Variants in NBEAL1 observed in about 807,000 individuals in gnomAD.
NBEAL1 encodes neurobeachin like 1, also known as neurobeachin-like protein 1.
NBEAL1 carries 273 observed loss-of-function variants against 351.3 expected under a neutral mutation model. The ratio of observed to expected loss-of-function variants is 0.78; its 90% CI spans 0.70 to 0.86. The LOEUF is 0.86. Among genes scored for constraint, NBEAL1 ranks in the 40% least tolerant of loss-of-function variants. The pLI, the probability that NBEAL1 is intolerant of heterozygous loss-of-function variation, is 0.00. For missense variants in NBEAL1, 2,961 were observed against 3,201.3 expected (o/e 0.92, Z 1.81); for synonymous variants, 1,050 against 1,086.4 (o/e 0.97, Z 0.66).
intron 12 of NBEAL1, among the ~76,000 whole-genome samples, chr2:203,103,225 T>C (rs980053822): frequency 6.6e-6 from 1 of 152,110 alleles, no homozygotes; most frequent in Non-Finnish European, 1.5e-5. Flanking sequence ...TAGTGATCTA[T>C]TTTATTAATT....
At chr2:203,066,660 G>C (rs1313733704) in intron 6 of NBEAL1, among the ~76,000 whole-genome samples, 1 of 152,028 alleles carries the variant, frequency 6.6e-6, no homozygotes, top group South Asian at 2.1e-4. Flanking sequence ...TCACTTCCCA[G>C]ATGGGGCAGC....
chr2:203,129,087 C>G (rs933395371), intron 24 of NBEAL1, among the ~76,000 whole-genome samples: 18 of 152,154 alleles, frequency 1.2e-4, no homozygotes, highest in African/African-American at 4.3e-4. Context: ...ACTACTGATT[C>G]AACTGCTGAA....
At chr2:203,139,699 G>A (rs528030268) in intron 31 of NBEAL1, among the ~76,000 whole-genome samples, 9 of 150,108 alleles carry the variant, frequency 6.0e-5, no homozygotes, top group Admixed American at 2.0e-4. Context: ...AAAGTAGCTG[G>A]GACTACGGGT....
At chr2:203,150,452 C>T (rs547882405) in intron 34 of NBEAL1, among the ~76,000 whole-genome samples, 7 of 151,460 alleles carry the variant, frequency 4.6e-5, no homozygotes, top group Non-Finnish European at 7.4e-5. Flanking sequence ...ATATATATAT[C>T]GAATAATAGA....
intron 36 of NBEAL1, among the ~76,000 whole-genome samples, chr2:203,161,877 A>C (rs1024195054): frequency 6.6e-6 from 1 of 151,978 alleles, no homozygotes; most frequent in Non-Finnish European, 1.5e-5. Flanking sequence ...TCTCTAAAAT[A>C]AACAAACCCC....
chr2:203,149,288 T>G (rs2063589646), intron 34 of NBEAL1, 140 bp downstream of exon 34: 1 of 589,260 alleles, frequency 1.7e-6, no homozygotes, highest in Non-Finnish European at 2.9e-6. Flanking sequence ...TTTATTGTCT[T>G]TCCATGAATT....
chr2:203,038,170 G>A (rs1486318097), intron 2 of NBEAL1, among the ~76,000 whole-genome samples: 3 of 148,848 alleles, frequency 2.0e-5, no homozygotes, highest in Admixed American at 1.4e-4. Context: ...TTCAGCTTTG[G>A]GCTATTATAA....
chr2:203,169,210 A>G (rs1340794983), intron 38 of NBEAL1, among the ~76,000 whole-genome samples: 1 of 152,024 alleles, frequency 6.6e-6, no homozygotes, highest in African/African-American at 2.4e-5. Flanking sequence ...TACTGTTTAT[A>G]TGAAATGTCC....
chr2:203,193,770 G>GT (rs753386680), intron 46 of NBEAL1, 25 bp from the exon 47 acceptor site: 6 of 1,504,646 alleles, frequency 4.0e-6, no homozygotes, highest in Non-Finnish European at 5.5e-6. Context: ...ATATGGAATT[G>GT]TTTTTCCTTA....
intron 47 of NBEAL1, among the ~76,000 whole-genome samples, chr2:203,195,700 C>T (rs2065221725): frequency 6.6e-6 from 1 of 152,144 alleles, no homozygotes; most frequent in South Asian, 2.1e-4. Flanking sequence ...AGAGACCTCT[C>T]CTAGTGGAGT....
intron 6 of NBEAL1, chr2:203,061,405 T>A (rs2106107194): frequency 6.6e-6 from 1 of 152,434 alleles, no homozygotes; most frequent in East Asian, 1.9e-4. Context: ...ATGGTTTTTT[T>A]CCAGTATGAC....
chr2:203,183,517 A>G (rs1247678442), intron 44 of NBEAL1, 129 bp downstream of exon 44: 2 of 554,270 alleles, frequency 3.6e-6, no homozygotes, highest in African/African-American at 3.8e-5. Flanking sequence ...CTGACTTTAG[A>G]AAGTACAATA....
intron 18 of NBEAL1, among the ~76,000 whole-genome samples, chr2:203,117,955 T>C (rs2062737774): frequency 6.6e-6 from 1 of 152,066 alleles, no homozygotes; most frequent in Admixed American, 6.6e-5. Context: ...TCGCGAAGTG[T>C]TGGGATTACA....
At chr2:203,217,120 G>C in intron 55 of NBEAL1, 133 bp from the exon 56 acceptor site, 1 of 587,622 alleles carries the variant, frequency 1.7e-6, no homozygotes, top group Non-Finnish European at 2.6e-6. Flanking sequence ...CTCTATTATT[G>C]ATAACCTTTA....
intron 11 of NBEAL1, among the ~76,000 whole-genome samples, chr2:203,098,346 C>T (rs2062228817): frequency 6.6e-6 from 1 of 152,016 alleles, no homozygotes; most frequent in South Asian, 2.1e-4. Context: ...TTTTGTATAA[C>T]AAGACACATT....
intron 2 of NBEAL1, among the ~76,000 whole-genome samples, chr2:203,024,157 C>T (rs1391952207): frequency 6.6e-6 from 1 of 150,618 alleles, no homozygotes; most frequent in Non-Finnish European, 1.5e-5. Flanking sequence ...GATCATGCCA[C>T]TCTAGTCCAG....
rs774192210 is a variant in NBEAL1 at position 203,208,734 on chromosome 2, T to C, written c.7604T>C (p.Met2535Thr). 1 of 1,599,126 alleles carries C rather than the reference T, an allele frequency of 6.3e-7. No homozygotes were observed. The highest frequency in any genetic ancestry group is 8.5e-7 in the Non-Finnish European group (1 of 1,175,778). Residue 2535 changes from methionine (M) to threonine (T), a missense_variant, in exon 52 of 56, where the codon ATG becomes ACG. Physicochemically the swap from Met to Thr is moderately conservative, Grantham distance 81 (BLOSUM62 -1). Transcript: ENST00000683969. The stretch of plus-strand genomic sequence containing the variant: ...GTCGGCATCAGCACTGAGCTAGACA[T>C]GGCAGTGTCAGGATCAAGGGTAAGA... ...LSVGISTELDMAVSGSRDGTV... is the reference protein window; with the variant it reads ...LSVGISTELDTAVSGSRDGTV...
rs2060678075 is a variant in NBEAL1, at chr2:203,016,175, T to C, written c.-210T>C. On this transcript the variant is annotated 5_prime_UTR_variant, in exon 2 of 56. Transcript: ENST00000683969. ...TCACAGATTTATTTAATTGCCCAAC[T>C]ACCACTGATGAAGATATATTGGAGT... The C allele has an allele frequency of 2.7e-6, 1 of 376,082 alleles. No homozygotes were observed. The allele number at this position is 376,082 out of a possible 1,614,324, so 23.3% of individuals were successfully genotyped here.
In NBEAL1 at chr2:203,166,145, A is replaced by T. The variant is rs766853181; in HGVS notation, c.5715-4A>T. 2.6e-6 allele frequency: 4 copies of T among 1,551,506 alleles called. No individual in the cohort carries two copies. In the African/African-American group the frequency reaches 4.2e-5, roughly 16 times the overall value. ...TTCTGTTTATTGGCTTCTTGTTTTT[A>T]CAGTGATGAGAAAGAAGAACAGGAT... On this transcript the variant is annotated splice_polypyrimidine_tract_variant and splice_region_variant and intron_variant, in intron 36 of 55. Coordinates refer to ENST00000683969, the MANE Select transcript of NBEAL1 (RefSeq NM_001378026.1).
Sources: gnomAD v4.1 joint callset for allele counts (sites outside exome capture counted in the v4.1 genomes callset) on GRCh38, gnomAD v4.1.1 for gene constraint, MANE v1.5 for transcripts, NCBI Gene and HGNC (gene_info 2026-07-23, HGNC 2026-07-21) for gene names.